FAM135B: variants seen among roughly 807,000 people sequenced by gnomAD.
FAM135B encodes the protein family with sequence similarity 135 member B, also known as protein FAM135B.
A neutral mutation model predicts 127.7 loss-of-function variants in FAM135B; 43 were observed. The ratio of observed to expected loss-of-function variants is 0.34; its 90% CI spans 0.26 to 0.43. The LOEUF is 0.43. Ranked by LOEUF, FAM135B falls within the 20% of genes least tolerant of loss-of-function variation. The pLI is 1.00. For synonymous variants in FAM135B, 670 were observed against 665.1 expected (o/e 1.01, Z -0.11); for missense variants, 1,558 against 1,725.6 (o/e 0.90, Z 1.72).
chr8:138,332,254 T>G (rs1368674012), intron 2 of FAM135B, among the ~76,000 whole-genome samples: 1 of 152,154 alleles, frequency 6.6e-6, no homozygotes, highest in East Asian at 1.9e-4. Context: ...CGCTTCTTCA[T>G]GAGCCAATTT....
At chr8:138,344,611 T>C (rs1269046128) in intron 2 of FAM135B, among the ~76,000 whole-genome samples, 1 of 138,874 alleles carries the variant, frequency 7.2e-6, no homozygotes, top group Non-Finnish European at 1.5e-5. Flanking sequence ...AGTCTCGCTC[T>C]GTCGCCCAGG....
intron 1 of FAM135B, among the ~76,000 whole-genome samples, chr8:138,454,250 A>G (rs1229697133): frequency 6.6e-6 from 1 of 152,186 alleles, no homozygotes; most frequent in Non-Finnish European, 1.5e-5. Context: ...TCAAAGGCCA[A>G]TTCTCCCGGC....
intron 1 of FAM135B, among the ~76,000 whole-genome samples, chr8:138,473,045 A>C (rs1437315519): frequency 6.6e-6 from 1 of 152,172 alleles, no homozygotes; most frequent in Non-Finnish European, 1.5e-5. Flanking sequence ...TTCTGGAAAA[A>C]TAGGAATAAA....
intron 12 of FAM135B, among the ~76,000 whole-genome samples, chr8:138,157,500 T>A (rs1450511258): frequency 1.3e-5 from 2 of 152,100 alleles, no homozygotes; most frequent in Non-Finnish European, 2.9e-5. Context: ...AAAGAGGAAG[T>A]CAAATTGTCT....
intron 19 of FAM135B, among the ~76,000 whole-genome samples, chr8:138,134,531 T>C (rs983413311): frequency 1.3e-5 from 2 of 152,168 alleles, no homozygotes; most frequent in Non-Finnish European, 2.9e-5. Flanking sequence ...TTTTCTCAAA[T>C]ACAGCACTGT....
chr8:138,232,477 T>G lies in FAM135B; in HGVS notation c.669+10465A>C, dbSNP rs139980030. Among the ~76,000 whole-genome samples, 367 of 152,364 alleles carry G rather than the reference T, an allele frequency of 2.4e-3. 1 individual carries two copies. The highest frequency in any genetic ancestry group is 8.3e-3 in the African/African-American group (344 of 41,586). ...ATTTATATGATTCATGAAAATGAAC[T>G]GTGGAAATATGTTGGATTCATATGC... is the stretch of plus-strand genomic sequence containing the variant. On this transcript the variant is annotated intron_variant, in intron 7 of 19. Coordinates refer to ENST00000395297, the MANE Select transcript of FAM135B (RefSeq NM_015912.4).
intron 12 of FAM135B, among the ~76,000 whole-genome samples, chr8:138,156,242 A>C (rs1309405420): frequency 6.6e-6 from 1 of 152,220 alleles, no homozygotes; most frequent in Non-Finnish European, 1.5e-5. Context: ...TGTTCTTTGA[A>C]ACCCATGAGA....
intron 1 of FAM135B, among the ~76,000 whole-genome samples, chr8:138,446,143 T>G (rs551015747): frequency 3.6e-4 from 55 of 152,032 alleles, no homozygotes; most frequent in African/African-American, 1.0e-3. Flanking sequence ...CACTGCTCAA[T>G]GAAATAAAAG....
intron 6 of FAM135B, among the ~76,000 whole-genome samples, chr8:138,248,447 T>C (rs905330809): frequency 2.8e-4 from 42 of 152,294 alleles, no homozygotes; most frequent in African/African-American, 9.9e-4. Context: ...CAAGCATGTT[T>C]TCACCACATG....
chr8:138,380,550 C>A (rs533104188), intron 1 of FAM135B, among the ~76,000 whole-genome samples: 1 of 152,168 alleles, frequency 6.6e-6, no homozygotes, highest in East Asian at 1.9e-4. Context: ...TGGTCCCTAC[C>A]ACCACCTTGT....
At chr8:138,387,491 A>G (rs1366229576) in intron 1 of FAM135B, among the ~76,000 whole-genome samples, 1 of 152,294 alleles carries the variant, frequency 6.6e-6, no homozygotes, top group South Asian at 2.1e-4. Context: ...CATTCTCTCC[A>G]GACCAGCAGA....
At chr8:138,357,113 C>T (rs761561956) in intron 2 of FAM135B, among the ~76,000 whole-genome samples, 1 of 151,888 alleles carries the variant, frequency 6.6e-6, no homozygotes, top group Admixed American at 6.6e-5. Context: ...ATTTTTAGAG[C>T]ATATTATTTA....
intron 1 of FAM135B, among the ~76,000 whole-genome samples, chr8:138,483,388 G>C (rs1177091923): frequency 6.6e-6 from 1 of 152,208 alleles, no homozygotes; most frequent in African/African-American, 2.4e-5. Context: ...CAGGCTGTCA[G>C]GCCTCCAAGC....
At chr8:138,144,991 T>C (rs1437741140) in intron 15 of FAM135B, among the ~76,000 whole-genome samples, 1 of 152,074 alleles carries the variant, frequency 6.6e-6, no homozygotes, top group African/African-American at 2.4e-5. Context: ...GGTTATCCTA[T>C]TTTATTTTAG....
At chr8:138,440,622 C>T (rs773047108) in intron 1 of FAM135B, 4 of 151,778 alleles carry the variant, frequency 2.6e-5, no homozygotes, top group Non-Finnish European at 5.9e-5. Context: ...AGAGCCAGAC[C>T]ACAAACCTAG....
At chr8:138,464,404 C>A (rs904619458) in intron 1 of FAM135B, among the ~76,000 whole-genome samples, 3 of 152,160 alleles carry the variant, frequency 2.0e-5, no homozygotes, top group African/African-American at 7.2e-5. Flanking sequence ...AACCTCCCCC[C>A]CAACACATGG....
chr8:138,464,198 G>A (rs1416137444), intron 1 of FAM135B, among the ~76,000 whole-genome samples: 1 of 152,116 alleles, frequency 6.6e-6, no homozygotes, highest in Non-Finnish European at 1.5e-5. Context: ...GGTGGATGGG[G>A]AGATGGCTGA....
intron 1 of FAM135B, among the ~76,000 whole-genome samples, chr8:138,468,035 T>C (rs556651279): frequency 1.3e-5 from 2 of 152,196 alleles, no homozygotes; most frequent in Non-Finnish European, 2.9e-5. Flanking sequence ...AAAATAGGCA[T>C]TCATGCGCTG....
chr8:138,218,419 A>G (rs1213306393), intron 7 of FAM135B, among the ~76,000 whole-genome samples: 1 of 152,178 alleles, frequency 6.6e-6, no homozygotes, highest in Non-Finnish European at 1.5e-5. Flanking sequence ...ATATTAATTT[A>G]GTGCAATACC....
Sources: gnomAD v4.1 joint callset for allele counts (sites outside exome capture counted in the v4.1 genomes callset) on GRCh38, gnomAD v4.1.1 for gene constraint, MANE v1.5 for transcripts, NCBI Gene and HGNC (gene_info 2026-07-23, HGNC 2026-07-21) for gene names.